The following STK3 variants were observed in gnomAD, a reference collection of about 807,000 sequenced individuals.
STK3 encodes the protein serine/threonine kinase 3.
Under a neutral mutation model 58.0 loss-of-function variants are expected in STK3, and 41 were observed. The ratio of observed to expected loss-of-function variants is 0.71; its 90% CI spans 0.55 to 0.92. The LOEUF (loss-of-function observed/expected upper bound fraction) is 0.92, where lower values mean the gene tolerates loss of function less well. Among genes scored for constraint, STK3 ranks in the 40% least tolerant of loss-of-function variants. STK3 has a pLI of 0.00. For synonymous variants in STK3, 170 were observed against 191.0 expected (o/e 0.89, Z 0.91); for missense variants, 479 against 602.7 (o/e 0.79, Z 2.15).
At chr8:98,855,771 A>G (rs1021887947) in intron 3 of STK3, among the ~76,000 whole-genome samples, 1 of 151,912 alleles carries the variant, frequency 6.6e-6, no homozygotes, top group Non-Finnish European at 1.5e-5. Flanking sequence ...CTGTAATCTC[A>G]CCACTTTGGG....
At chr8:98,799,185 G>A (rs1833364218) in intron 1 of STK3, among the ~76,000 whole-genome samples, 1 of 152,068 alleles carries the variant, frequency 6.6e-6, no homozygotes, top group South Asian at 2.1e-4. Context: ...TACTGGCAAT[G>A]GAAATATACT....
At chr8:98,818,538 A>ATGTGTGTG (rs72513007) in intron 1 of STK3, among the ~76,000 whole-genome samples, 35 of 145,420 alleles carry the variant, frequency 2.4e-4, no homozygotes, top group East Asian at 1.4e-3. Context: ...TAAATTATAA[A>ATGTGTGTG]TGTGTGTGTG....
chr8:98,398,506 C>A (rs1817914664), downstream of STK3, among the ~76,000 whole-genome samples: 1 of 152,124 alleles, frequency 6.6e-6, no homozygotes, highest in Non-Finnish European at 1.5e-5. Context: ...AGGCCAAAAC[C>A]CCCAATTCTC....
downstream of STK3, among the ~76,000 whole-genome samples, chr8:98,399,429 G>A (rs907444356): frequency 6.6e-6 from 1 of 152,170 alleles, no homozygotes; most frequent in South Asian, 2.1e-4. Context: ...CCCGGTTGAC[G>A]CTCTTTGGCA....
intron 1 of STK3, among the ~76,000 whole-genome samples, chr8:98,449,319 G>A (rs562871729): frequency 4.1e-4 from 62 of 152,150 alleles, no homozygotes; most frequent in Non-Finnish European, 6.5e-4. Flanking sequence ...ATGTTTTTTA[G>A]TGGAAGAACC....
intron 1 of STK3, among the ~76,000 whole-genome samples, chr8:98,906,989 T>TAAAAA (rs3085954): frequency 0.087 from 8,266 of 94,538 alleles, 322 homozygotes; most frequent in Non-Finnish European, 0.13. Flanking sequence ...TCTCTACCAA[T>TAAAAA]AAAAAAAAAA....
At chr8:98,592,928 T>A (rs571769497) in intron 7 of STK3, among the ~76,000 whole-genome samples, 1 of 152,222 alleles carries the variant, frequency 6.6e-6, no homozygotes, top group South Asian at 2.1e-4. Context: ...CATGTCTGGC[T>A]AATTTTTGTA....
chr8:98,780,569 T>C (rs1384450680), intron 1 of STK3, among the ~76,000 whole-genome samples: 3 of 152,164 alleles, frequency 2.0e-5, no homozygotes, highest in African/African-American at 7.2e-5. Context: ...TTTTGCAGTC[T>C]ATTTGATTTT....
chr8:98,465,140 A>C (rs1360192160), intron 10 of STK3, among the ~76,000 whole-genome samples: 1 of 152,200 alleles, frequency 6.6e-6, no homozygotes, highest in Non-Finnish European at 1.5e-5. Flanking sequence ...GGTCCTGTAC[A>C]CTAAGTCATT....
chr8:98,911,669 G>A (rs1839140745), intron 1 of STK3, among the ~76,000 whole-genome samples: 1 of 151,986 alleles, frequency 6.6e-6, no homozygotes, highest in Non-Finnish European at 1.5e-5. Flanking sequence ...GCTGGGATTA[G>A]CATGAGCCAC....
At chr8:98,589,267 T>C (rs537123853) in intron 7 of STK3, among the ~76,000 whole-genome samples, 6 of 152,322 alleles carry the variant, frequency 3.9e-5, no homozygotes, top group Admixed American at 3.3e-4. Context: ...GATGAACAGA[T>C]GGGTTTTTGG....
At chr8:98,509,080 T>G (rs1455412211) in intron 10 of STK3, among the ~76,000 whole-genome samples, 1 of 152,072 alleles carries the variant, frequency 6.6e-6, no homozygotes, top group African/African-American at 2.4e-5. Context: ...TCTGAAAAGT[T>G]TAATGATCTA....
At chr8:98,780,194 T>C (rs1197978771) in intron 1 of STK3, among the ~76,000 whole-genome samples, 2 of 151,742 alleles carry the variant, frequency 1.3e-5, no homozygotes, top group Admixed American at 6.6e-5. Context: ...TAAATATATA[T>C]ACATATACAC....
At chr8:98,929,478 G>A (rs972383151) in intron 1 of STK3, among the ~76,000 whole-genome samples, 51 of 152,102 alleles carry the variant, frequency 3.4e-4, no homozygotes, top group African/African-American at 1.1e-3. Context: ...GGAACGTGGC[G>A]AAACCCCATC....
intron 8 of STK3, among the ~76,000 whole-genome samples, chr8:98,552,049 C>CTA (rs1811213088): frequency 6.6e-6 from 1 of 152,094 alleles, no homozygotes. Flanking sequence ...CATTATTCTA[C>CTA]TATATACATG....
intron 1 of STK3, among the ~76,000 whole-genome samples, chr8:98,899,511 G>T (rs1838578967): frequency 6.6e-6 from 1 of 152,122 alleles, no homozygotes; most frequent in South Asian, 2.1e-4. Context: ...AGCATTTATA[G>T]TGTATTGGGT....
chr8:98,703,394 A>C (rs1164603085), intron 6 of STK3, among the ~76,000 whole-genome samples: 1 of 152,112 alleles, frequency 6.6e-6, no homozygotes, highest in African/African-American at 2.4e-5. Context: ...AAATTACTAC[A>C]GTACAAAAAA....
chr8:98,543,499 G>A (rs564037312), intron 9 of STK3, among the ~76,000 whole-genome samples: 1 of 152,228 alleles, frequency 6.6e-6, no homozygotes, highest in African/African-American at 2.4e-5. Context: ...GGGATATTTA[G>A]GGGGCAGAAC....
intron 10 of STK3, among the ~76,000 whole-genome samples, chr8:98,491,398 A>G (rs543072279): frequency 6.6e-6 from 1 of 152,118 alleles, no homozygotes; most frequent in South Asian, 2.1e-4. Context: ...TTTAGCAGGT[A>G]TAGGAACAAT....
Sources: allele counts gnomAD v4.1 joint callset (sites outside exome capture counted in the v4.1 genomes callset), GRCh38; gene constraint gnomAD v4.1.1; transcripts MANE v1.5; gene names NCBI Gene and HGNC (gene_info 2026-07-23, HGNC 2026-07-21).